FBXO15: variants seen among roughly 807,000 people sequenced by gnomAD.
The protein encoded by FBXO15 is F-box protein 15.
FBXO15 carries 30 observed loss-of-function variants against 49.5 expected under a neutral mutation model. The ratio of observed to expected loss-of-function variants is 0.61; its 90% CI spans 0.45 to 0.82. FBXO15 has a LOEUF of 0.82. Among genes scored for constraint, FBXO15 ranks in the 40% least tolerant of loss-of-function variants. The pLI is 0.00. For synonymous variants in FBXO15, 250 were observed against 232.7 expected, an observed-to-expected ratio of 1.07 and a Z score of -0.68; for missense variants, 591 against 631.5, an observed-to-expected ratio of 0.94 and a Z score of 0.69.
chr18:74,126,176 T>C (rs1049202321), intron 5 of FBXO15, 75 bp from the exon 6 acceptor site: 1 of 1,574,308 alleles, frequency 6.4e-7, no homozygotes, highest in Non-Finnish European at 8.7e-7. Flanking sequence ...TTCTCTTTAG[T>C]GTATCACAAA....
At chr18:74,118,476 CATT>C (rs1914335491) in intron 8 of FBXO15, among the ~76,000 whole-genome samples, 8 of 140,496 alleles carry the variant, frequency 5.7e-5, no homozygotes, top group African/African-American at 2.1e-4. Context: ...GGTCTATTAA[CATT>C]ATACACAGAG....
Position 74,147,747 on chromosome 18 carries a change from C to T in FBXO15, c.39G>A (p.Trp13Ter), listed in dbSNP as rs1030179697. The T allele has an allele frequency of 2.0e-6, 3 of 1,536,656 alleles. No homozygotes were observed. The highest frequency in any genetic ancestry group is 1.7e-6 in the Non-Finnish European group (2 of 1,143,260). The change falls in exon 1 of 10, where the codon TGG becomes TGA. Residue 13 changes from tryptophan (W) to a stop codon, truncating the protein, a stop_gained. Coordinates refer to ENST00000419743, the MANE Select transcript of FBXO15 (RefSeq NM_001142958.2). LOFTEE classifies it high-confidence loss of function. The stretch of plus-strand genomic sequence containing the variant: ...GCCCGCGCAGCGTCTGGAGGCCGAG[C>T]CAGTGCTGCTGCAAGATCCGACCGC... ...TGRGRILQQH[W>*]LGLQTLRGPS... is the part of the protein sequence containing the mutation.
intron 8 of FBXO15, among the ~76,000 whole-genome samples, chr18:74,106,480 T>C (rs1279202704): frequency 6.6e-6 from 1 of 152,088 alleles, no homozygotes; most frequent in Non-Finnish European, 1.5e-5. Flanking sequence ...AATATGATAA[T>C]GAACAACAAT....
chr18:74,116,965 C>T (rs967970047), intron 8 of FBXO15, among the ~76,000 whole-genome samples: 60 of 152,022 alleles, frequency 3.9e-4, no homozygotes, highest in Admixed American at 2.5e-3. Flanking sequence ...ACAGACGTGA[C>T]GACAGAACAT....
chr18:74,136,708 A>ATAT (rs1466650112), intron 2 of FBXO15, among the ~76,000 whole-genome samples: 3 of 152,224 alleles, frequency 2.0e-5, no homozygotes, highest in Non-Finnish European at 4.4e-5. Context: ...CTATGATCTC[A>ATAT]GAATTCTATA....
intron 1 of FBXO15, among the ~76,000 whole-genome samples, chr18:74,142,517 T>C (rs1416480013): frequency 1.3e-5 from 2 of 152,220 alleles, no homozygotes; most frequent in Admixed American, 6.5e-5. Flanking sequence ...GTGCTCCCTC[T>C]GAAGGCTCTA....
chr18:74,100,801 AACCT>A (rs537423720), intron 8 of FBXO15, among the ~76,000 whole-genome samples: 11 of 152,292 alleles, frequency 7.2e-5, no homozygotes, highest in African/African-American at 2.6e-4. Flanking sequence ...TAAACTAGAA[AACCT>A]AGGTGAGATG....
intron 8 of FBXO15, among the ~76,000 whole-genome samples, chr18:74,093,266 G>GC (rs933893610): frequency 2.7e-5 from 4 of 149,906 alleles, no homozygotes; most frequent in Middle Eastern, 3.5e-3. Flanking sequence ...AAAACAATGG[G>GC]GGGGGGGTGG....
At chr18:74,084,936 A>G (rs1162792731) in intron 8 of FBXO15, among the ~76,000 whole-genome samples, 2 of 152,090 alleles carry the variant, frequency 1.3e-5, no homozygotes, top group Non-Finnish European at 2.9e-5. Context: ...TGTGTTAAGT[A>G]CCCTCTATAC....
intron 4 of FBXO15, among the ~76,000 whole-genome samples, chr18:74,129,979 T>C (rs1368241838): frequency 6.6e-6 from 1 of 152,196 alleles, no homozygotes; most frequent in African/African-American, 2.4e-5. Context: ...CCGCAAGAAA[T>C]TGGTTCTAGG....
chr18:74,113,481 A>T (rs1178720827), intron 8 of FBXO15, among the ~76,000 whole-genome samples: 2 of 152,140 alleles, frequency 1.3e-5, no homozygotes, highest in Non-Finnish European at 2.9e-5. Flanking sequence ...AACATTGTCC[A>T]CTCTAGTGCA....
At chr18:74,114,311 G>T (rs1914141736) in intron 8 of FBXO15, among the ~76,000 whole-genome samples, 1 of 152,126 alleles carries the variant, frequency 6.6e-6, no homozygotes, top group African/African-American at 2.4e-5. Context: ...ACTTTGTGTT[G>T]ACTCCATGGG....
intron 1 of FBXO15, among the ~76,000 whole-genome samples, chr18:74,145,023 C>T (rs2145235862): frequency 6.6e-6 from 1 of 152,332 alleles, no homozygotes; most frequent in Admixed American, 6.5e-5. Flanking sequence ...ACTCTCCCCA[C>T]TCAAAGATAG....
intron 8 of FBXO15, among the ~76,000 whole-genome samples, chr18:74,114,074 G>A (rs563229404): frequency 4.4e-4 from 67 of 152,292 alleles, no homozygotes; most frequent in African/African-American, 1.6e-3. Flanking sequence ...AACCAGTAAG[G>A]GTGGTCCCTG....
At chr18:74,129,295 T>C in intron 5 of FBXO15, 110 bp downstream of exon 5, 1 of 860,260 alleles carries the variant, frequency 1.2e-6, no homozygotes, top group Non-Finnish European at 1.8e-6. Flanking sequence ...ACATTTAATA[T>C]GTGATAAAAT....
chr18:74,116,483 T>A (rs904520433), intron 8 of FBXO15, among the ~76,000 whole-genome samples: 1 of 152,000 alleles, frequency 6.6e-6, no homozygotes, highest in Non-Finnish European at 1.5e-5. Flanking sequence ...AAAAATAGAA[T>A]CCTGGAAATG....
chr18:74,120,725 T>C (rs746928032), intron 8 of FBXO15, among the ~76,000 whole-genome samples: 14 of 152,006 alleles, frequency 9.2e-5, no homozygotes, highest in Non-Finnish European at 1.6e-4. Context: ...AAAATGAAAG[T>C]TCTCAAATCA....
chr18:74,127,779 A>G (rs1227979642), intron 5 of FBXO15, among the ~76,000 whole-genome samples: 1 of 152,234 alleles, frequency 6.6e-6, no homozygotes, highest in Non-Finnish European at 1.5e-5. Flanking sequence ...TGTAGTATCT[A>G]TTACTTCTGA....
Position 74,140,276 on chromosome 18 carries a change from A to G in FBXO15, c.153T>C (p.Ala51=). 2 of 1,551,512 alleles carry G rather than the reference A, an allele frequency of 1.3e-6. No individual in the cohort carries two copies. Among genetic ancestry groups the G allele is most frequent in the Non-Finnish European group, 1.7e-6 (2 of 1,146,926 alleles). The stretch of plus-strand genomic sequence containing the variant: ...CACCTCCGGCATGGCACCTCAGGGC[A>G]GCAGAGCCTGCAGAAAGCTTGACCC... ...GPGVKLSAGS[A]ALRCHAGGGQ... Residue 51 remains alanine (A), a synonymous_variant, in exon 2 of 10, where the codon GCT becomes GCC. Coordinates refer to ENST00000419743, the MANE Select transcript of FBXO15 (RefSeq NM_001142958.2).
Sources: gnomAD v4.1 joint callset for allele counts (sites outside exome capture counted in the v4.1 genomes callset) on GRCh38, gnomAD v4.1.1 for gene constraint, MANE v1.5 for transcripts, NCBI Gene and HGNC (gene_info 2026-07-23, HGNC 2026-07-21) for gene names.